Variants in TMEM114 observed in about 807,000 individuals in gnomAD.
TMEM114 encodes transmembrane protein 114, also known as claudin-26.
In TMEM114, 6 loss-of-function variants were observed where a neutral mutation model predicts 6.2. That is an observed-to-expected ratio of 0.97 (90% confidence interval 0.53 to 1.91). TMEM114 has a LOEUF of 1.91. Among genes scored for constraint, TMEM114 ranks in the 40% most tolerant of loss-of-function variants. The pLI is 0.01. For synonymous variants in TMEM114, 104 were observed against 73.0 expected, an observed-to-expected ratio of 1.42 and a Z score of -2.16; for missense variants, 218 against 158.3, an observed-to-expected ratio of 1.38 and a Z score of -2.02.
chr16:8,578,104 G>A (rs985517753), intron 2 of TMEM114, among the ~76,000 whole-genome samples: 1 of 152,160 alleles, frequency 6.6e-6, no homozygotes, highest in African/African-American at 2.4e-5. Flanking sequence ...GAGGAAATAA[G>A]TGTGAGGATG....
intron 2 of TMEM114, among the ~76,000 whole-genome samples, chr16:8,542,768 G>A (rs934230852): frequency 6.6e-6 from 1 of 152,014 alleles, no homozygotes; most frequent in Admixed American, 6.6e-5. Context: ...AGGGAACTGG[G>A]ATATTTCCAA....
downstream of TMEM114, among the ~76,000 whole-genome samples, chr16:8,569,069 C>T (rs1032376143): frequency 6.6e-6 from 1 of 152,210 alleles, no homozygotes; most frequent in Non-Finnish European, 1.5e-5. Flanking sequence ...AGAGTATCAA[C>T]AAGCCCATAG....
At chr16:8,550,315 A>G (rs1446731376) in intron 2 of TMEM114, among the ~76,000 whole-genome samples, 1 of 152,234 alleles carries the variant, frequency 6.6e-6, no homozygotes, top group East Asian at 1.9e-4. Flanking sequence ...CCTTCAAGCC[A>G]ATCAAGCTGA....
At chr16:8,527,336 C>G in the TMEM114 span, among the ~76,000 whole-genome samples, 1 of 152,176 alleles carries the variant, frequency 6.6e-6, no homozygotes, top group African/African-American at 2.4e-5. Context: ...AGTGGAAAAA[C>G]CCCAGCTTTG....
chr16:8,546,581 C>T (rs1008157771), intron 2 of TMEM114, among the ~76,000 whole-genome samples: 3 of 152,180 alleles, frequency 2.0e-5, no homozygotes, highest in African/African-American at 7.2e-5. Context: ...CAAGCAACAA[C>T]CCCAGTAACA....
downstream of TMEM114, among the ~76,000 whole-genome samples, chr16:8,566,337 A>G (rs1420448259): frequency 2.7e-5 from 4 of 150,380 alleles, no homozygotes; most frequent in African/African-American, 9.8e-5. Flanking sequence ...AGATTGAGCC[A>G]TTGCACCCCA....
chr16:8,581,339 A>G (rs1027662823), intron 2 of TMEM114, among the ~76,000 whole-genome samples: 4 of 152,208 alleles, frequency 2.6e-5, no homozygotes, highest in African/African-American at 9.6e-5. Flanking sequence ...ACACCTATAA[A>G]TGTCTAGCCA....
downstream of TMEM114, among the ~76,000 whole-genome samples, chr16:8,569,269 G>A (rs1485760603): frequency 3.3e-5 from 5 of 152,152 alleles, no homozygotes. Flanking sequence ...GCTTCATATT[G>A]TAGACCTAAC....
intron 2 of TMEM114, among the ~76,000 whole-genome samples, chr16:8,584,841 A>C (rs1166468010): frequency 6.6e-6 from 1 of 151,392 alleles, no homozygotes; most frequent in African/African-American, 2.4e-5. Context: ...AGAATTGCTT[A>C]AATCCAGGAG....
the TMEM114 span, among the ~76,000 whole-genome samples, chr16:8,529,055 G>A: frequency 6.6e-6 from 1 of 152,228 alleles, no homozygotes; most frequent in Non-Finnish European, 1.5e-5. Context: ...ACTCTCAGAA[G>A]AGGGCTTTAG....
intron 2 of TMEM114, among the ~76,000 whole-genome samples, chr16:8,552,860 C>T (rs1029412104): frequency 2.0e-5 from 3 of 152,114 alleles, no homozygotes; most frequent in African/African-American, 7.2e-5. Flanking sequence ...GATCCTTGGG[C>T]TTAACAGCTC....
chr16:8,528,690 C>G, the TMEM114 span, among the ~76,000 whole-genome samples: 2 of 152,172 alleles, frequency 1.3e-5, no homozygotes, highest in South Asian at 4.1e-4. Context: ...ACATGATTTA[C>G]AAAATAATTT....
chr16:8,540,871 G>A (rs8061765), intron 2 of TMEM114, among the ~76,000 whole-genome samples: 17,101 of 152,224 alleles, frequency 0.11, 1,067 homozygotes, highest in Middle Eastern at 0.25. Flanking sequence ...CTAATGAGAG[G>A]TATCAGGGCA....
rs1045780869 is a variant in TMEM114, at chr16:8,590,506, C to T, written c.-668G>A. 1.2e-3 allele frequency among the ~76,000 whole-genome samples: 190 copies of T among 152,278 alleles called. No homozygotes were observed. The highest frequency in any genetic ancestry group is 2.2e-3 in the Non-Finnish European group (148 of 68,020). On this transcript the variant is annotated 5_prime_UTR_variant, in exon 1 of 4. Coordinates refer to ENST00000620492, the MANE Select transcript of TMEM114 (RefSeq NM_001146336.2). ...CCCTCCTCCTCGCCGAGGAAAAGCT[C>T]GGAGTGCGCACGCAGCATGGACGGG...
chr16:8,539,828 TA>T (rs1900467043), intron 2 of TMEM114, among the ~76,000 whole-genome samples: 1 of 152,244 alleles, frequency 6.6e-6, no homozygotes, highest in South Asian at 2.1e-4. Context: ...TTAATTATTT[TA>T]TTTTTTTACA....
chr16:8,578,169 T>C (rs1596312279), intron 2 of TMEM114, among the ~76,000 whole-genome samples: 1 of 151,956 alleles, frequency 6.6e-6, no homozygotes. Flanking sequence ...GATCAGGTGG[T>C]GGTATGTATT....
chr16:8,547,673 G>A (rs1474741592), intron 2 of TMEM114, among the ~76,000 whole-genome samples: 1 of 152,140 alleles, frequency 6.6e-6, no homozygotes, highest in African/African-American at 2.4e-5. Flanking sequence ...TTACAGGCAT[G>A]AGCCACCGCA....
At chr16:8,571,781 C>A (rs1596309543) in intron 3 of TMEM114, among the ~76,000 whole-genome samples, 1 of 152,176 alleles carries the variant, frequency 6.6e-6, no homozygotes, top group Non-Finnish European at 1.5e-5. Context: ...GGGTCTCCTG[C>A]CAGCTCACAG....
intron 2 of TMEM114, among the ~76,000 whole-genome samples, chr16:8,555,471 G>A (rs77352879): frequency 5.5e-5 from 4 of 72,144 alleles, no homozygotes; most frequent in African/African-American, 2.5e-4. Context: ...AGTAATTTCC[G>A]GGTGGTGGGG....
Sources: gnomAD v4.1 joint callset for allele counts (sites outside exome capture counted in the v4.1 genomes callset) on GRCh38, gnomAD v4.1.1 for gene constraint, MANE v1.5 for transcripts, NCBI Gene and HGNC (gene_info 2026-07-23, HGNC 2026-07-21) for gene names.